PCNX2: variants seen among roughly 807,000 people sequenced by gnomAD.
The protein encoded by PCNX2 is pecanex-like protein 2.
In PCNX2, 168 loss-of-function variants were observed where a neutral mutation model predicts 223.8. The observed-to-expected ratio is 0.75, with a 90% confidence interval of 0.66 to 0.85. The LOEUF (loss-of-function observed/expected upper bound fraction) is 0.85. Among genes scored for constraint, PCNX2 ranks in the 40% least tolerant of loss-of-function variants. The pLI, the probability that PCNX2 is intolerant of heterozygous loss-of-function variation, is 0.00. For missense variants in PCNX2, 2,507 were observed against 2,675.5 expected (o/e 0.94, Z 1.39); for synonymous variants, 1,006 against 1,052.6 (o/e 0.96, Z 0.86).
intron 13 of PCNX2, among the ~76,000 whole-genome samples, chr1:233,204,874 T>C (rs533043900): frequency 1.3e-5 from 2 of 152,348 alleles, no homozygotes; most frequent in African/African-American, 4.8e-5. Flanking sequence ...GCAGAAGCTT[T>C]AATGAGAGAA....
intron 8 of PCNX2, among the ~76,000 whole-genome samples, chr1:233,237,786 A>G (rs1337301264): frequency 6.6e-6 from 1 of 152,182 alleles, no homozygotes; most frequent in Non-Finnish European, 1.5e-5. Flanking sequence ...TGGAAGAGAC[A>G]TGAGGTCCTT....
At chr1:233,288,700 A>T (rs1003810542) in intron 1 of PCNX2, among the ~76,000 whole-genome samples, 1 of 152,006 alleles carries the variant, frequency 6.6e-6, no homozygotes, top group Admixed American at 6.6e-5. Flanking sequence ...AGCCATCCGG[A>T]GAAGCAAAAA....
chr1:233,244,054 C>T (rs1204279563), intron 8 of PCNX2, among the ~76,000 whole-genome samples: 1 of 152,164 alleles, frequency 6.6e-6, no homozygotes, highest in African/African-American at 2.4e-5. Flanking sequence ...TGGTCTTGAA[C>T]TCCTGACCTT....
rs147999126 is a variant in PCNX2, at chr1:233,257,915, G to A, written c.1834+113C>T. The A allele has an allele frequency of 2.6e-3, 3,525 of 1,367,546 alleles. 4 individuals carry two copies. Among genetic ancestry groups the A allele is most frequent in the Middle Eastern group, 4.5e-3 (17 of 3,776 alleles). 84.7% of individuals were successfully genotyped at this position (1,367,546 alleles called of 1,614,324 possible). On this transcript the variant is annotated intron_variant, in intron 5 of 33. Transcript: ENST00000258229. ...TTGATGAGAAAGCCAAGCAACAAACGATTGCCCAAGAGTTGTCTCACTATT... is the reference window on the plus strand; with the variant it reads ...TTGATGAGAAAGCCAAGCAACAAACAATTGCCCAAGAGTTGTCTCACTATT...
chr1:233,107,483 C>T (rs1293246592), intron 21 of PCNX2, among the ~76,000 whole-genome samples: 2 of 152,202 alleles, frequency 1.3e-5, no homozygotes, highest in Non-Finnish European at 2.9e-5. Flanking sequence ...CACACTGGGA[C>T]ATTCCAGCTA....
At chr1:233,312,918 G>GA in the PCNX2 span, among the ~76,000 whole-genome samples, 23 of 144,434 alleles carry the variant, frequency 1.6e-4, no homozygotes, top group Middle Eastern at 3.6e-3. Flanking sequence ...GTAACCGAAA[G>GA]AAAAAAAAAA....
chr1:233,235,957 A>AAAAAATATATATATATATATAT (rs369886650), intron 9 of PCNX2, among the ~76,000 whole-genome samples: 33 of 93,080 alleles, frequency 3.5e-4, no homozygotes, highest in African/African-American at 3.9e-4. Context: ...CATAAAAAAA[A>AAAAAATATATATATATATATAT]ATATATATAT....
chr1:233,319,640 G>GTCT, the PCNX2 span, among the ~76,000 whole-genome samples: 3 of 152,206 alleles, frequency 2.0e-5, no homozygotes, highest in African/African-American at 7.2e-5. Context: ...TGAACAAAGG[G>GTCT]TCTTATGCCC....
intron 23 of PCNX2, among the ~76,000 whole-genome samples, chr1:233,081,932 T>C (rs940877872): frequency 6.6e-6 from 1 of 152,162 alleles, no homozygotes; most frequent in African/African-American, 2.4e-5. Context: ...AGGGCTCTTG[T>C]GATGGTGCCT....
At position 233,227,206 on chromosome 1, in the gene PCNX2, G is replaced by T. The variant is rs1465871630; in HGVS notation, c.2504+20C>A. ...CCCGGTGTGCCTTCCGACAGTGTGT[G>T]TGCATGCTCAGTGGCTTACCGATCA... On this transcript the variant is annotated intron_variant, in intron 10 of 33. Transcript: ENST00000258229. 1.2e-6 allele frequency: 2 copies of T among 1,607,176 alleles called. No homozygotes were observed. Among genetic ancestry groups the T allele is most frequent in the African/African-American group, 2.7e-5 (2 of 74,674 alleles).
chr1:233,083,972 A>T (rs985820390), intron 23 of PCNX2, among the ~76,000 whole-genome samples: 1 of 152,220 alleles, frequency 6.6e-6, no homozygotes, highest in Non-Finnish European at 1.5e-5. Flanking sequence ...TGAATAAGAA[A>T]AGATAGAAAT....
rs774941609 is a variant in PCNX2 at position 233,057,244 on chromosome 1, C to T, written c.4123G>A (p.Glu1375Lys). The change falls in exon 24 of 34, where the codon GAA (glutamate) becomes AAA (lysine). Residue 1375 changes from glutamate (E) to lysine (K), a missense_variant. Physicochemically the swap from Glu to Lys is moderately conservative, Grantham distance 56. Transcript: ENST00000258229. ...NSNTRLAVQI[E>K]RDPGNDDNNL... ...GAGATCTTCTTACCTGGATCTCTTT[C>T]AATTTGGACTGCCAGTCTTGTGTTG... is the stretch of plus-strand genomic sequence containing the variant. 1.9e-6 allele frequency: 3 copies of T among 1,607,194 alleles called. No homozygotes were observed. The South Asian group carries it at 3.3e-5, about 18-fold the overall frequency.
chr1:233,233,424 C>CTGTGTGTGTGTGTGTGTGTG (rs57458756), intron 9 of PCNX2, among the ~76,000 whole-genome samples: 1 of 140,242 alleles, frequency 7.1e-6, no homozygotes. Context: ...TCCTCTTCTC[C>CTGTGTGTGTGTGTGTGTGTG]TGTGTGTGTG....
chr1:233,080,445 C>T (rs1673306791), intron 23 of PCNX2, among the ~76,000 whole-genome samples: 1 of 151,748 alleles, frequency 6.6e-6, no homozygotes, highest in Admixed American at 6.6e-5. Flanking sequence ...CGCATCTTGT[C>T]TTAGTCACTT....
chr1:233,295,613 GC>G lies in PCNX2; in HGVS notation c.-136del. On this transcript the variant is annotated 5_prime_UTR_variant, in exon 1 of 34. It removes the in-frame stop codon of an upstream open reading frame in the 5' UTR. Coordinates refer to ENST00000258229, the MANE Select transcript of PCNX2 (RefSeq NM_014801.4). This position sits in a 1 kb window ranked among gnomAD's most constrained non-coding sequence, Gnocchi z 4.1. ...CGTCGCCGCCGCCGTCGCCCCCGCCGCCTCCTTCCACCCCACGTTTGAAGCT... is the reference window on the plus strand; with the variant it reads ...CGTCGCCGCCGCCGTCGCCCCCGCCGCTCCTTCCACCCCACGTTTGAAGCT... 1 of 969,684 alleles carries G rather than the reference GC, an allele frequency of 1.0e-6. No homozygotes were observed. The highest frequency in any genetic ancestry group is 1.4e-6 in the Non-Finnish European group (1 of 740,352). 60.1% of individuals were successfully genotyped at this position (969,684 alleles called of 1,614,324 possible). A position where few individuals can be genotyped will look rare whatever the true frequency, so the allele number is the denominator to read the frequency against.
rs188196468 is a variant in PCNX2 at position 233,005,069 on chromosome 1, G to A, written c.4953-3388C>T. 2.4e-4 allele frequency among the ~76,000 whole-genome samples: 37 copies of A among 152,292 alleles called. No individual in the cohort carries two copies. In the South Asian group the frequency reaches 5.0e-3, roughly 20 times the overall value. ...AGGCTTCGAAACATGAATAATGACC[G>A]CTACCTGCTCTCAAAAGAAAACATT... On this transcript the variant is annotated intron_variant, in intron 28 of 33. Transcript: ENST00000258229.
In PCNX2 at chr1:233,258,570, AT is replaced by A. The variant is rs908527300; in HGVS notation, c.1291del (p.Ile431SerfsTer28). The A allele has an allele frequency of 6.2e-7, 1 of 1,613,756 alleles. No homozygotes were observed. The highest frequency in any genetic ancestry group is 1.3e-5 in the African/African-American group (1 of 74,874). The part of the protein sequence containing the change: ...PNAEQISIPV[I>X]TLDLPEGGGG... Reference sequence around the variant, plus strand: ...CCCACCCTCAGGCAGGTCCAGGGTGATTACAGGAATTGAGATCTGCTCGGCA... The same window carrying A: ...CCCACCCTCAGGCAGGTCCAGGGTGATACAGGAATTGAGATCTGCTCGGCA... On this transcript the variant is annotated frameshift_variant, in exon 5 of 34. Coordinates refer to ENST00000258229, the MANE Select transcript of PCNX2 (RefSeq NM_014801.4). LOFTEE classifies it high-confidence loss of function.
rs186348134 is a variant in PCNX2 at position 233,197,280 on chromosome 1, A to G, written c.3066+1659T>C. ...CTTTTAAAAATTAATGAACAAGCAA[A>G]CAAATAATTCCAGAACACAACAGAG... On this transcript the variant is annotated intron_variant, in intron 15 of 33. Transcript: ENST00000258229. 1.3e-3 allele frequency among the ~76,000 whole-genome samples: 198 copies of G among 152,310 alleles called. 1 individual carries two copies. Among genetic ancestry groups the G allele is most frequent in the East Asian group, 1.7e-3 (9 of 5,184 alleles).
rs145775365 is a variant in PCNX2 at position 232,997,351 on chromosome 1, A to G, written c.5791+900T>C. ...GCATACATCCTACTGTCTCTGTTCAATCCTCTGCCTTGCTCTGGGCACTCC... is the reference window on the plus strand; with the variant it reads ...GCATACATCCTACTGTCTCTGTTCAGTCCTCTGCCTTGCTCTGGGCACTCC... On this transcript the variant is annotated intron_variant, in intron 32 of 33. Coordinates refer to ENST00000258229, the MANE Select transcript of PCNX2 (RefSeq NM_014801.4). Among the ~76,000 whole-genome samples, 345 of 152,290 alleles carry G rather than the reference A, an allele frequency of 2.3e-3. 1 individual carries two copies. Among genetic ancestry groups the G allele is most frequent in the African/African-American group, 7.7e-3 (319 of 41,562 alleles).
Sources: gnomAD v4.1 joint callset for allele counts (sites outside exome capture counted in the v4.1 genomes callset) on GRCh38, gnomAD v4.1.1 for gene constraint, Gnocchi (gnomAD v3.1) non-coding constraint, MANE v1.5 for transcripts, NCBI Gene and HGNC (gene_info 2026-07-23, HGNC 2026-07-21) for gene names.